ZNF471: variants seen among roughly 807,000 people sequenced by gnomAD.
ZNF471 encodes EZFIT-related protein 1.
ZNF471 carries 7 observed loss-of-function variants against 13.7 expected under a neutral mutation model. The ratio of observed to expected loss-of-function variants is 0.51; its 90% CI spans 0.29 to 0.96. The LOEUF is 0.96. Among genes scored for constraint, ZNF471 ranks in the 40% least tolerant of loss-of-function variants. The pLI is 0.08. For synonymous variants in ZNF471, 218 were observed against 235.6 expected (o/e 0.93, Z 0.68); for missense variants, 663 against 743.3 (o/e 0.89, Z 1.26).
rs2043755303 is a variant in ZNF471, at chr19:56,508,022, C to T, written c.-56+102C>T. The T allele has an allele frequency of 1.0e-6, 1 of 985,810 alleles. No individual in the cohort carries two copies. The highest frequency in any genetic ancestry group is 1.2e-6 in the Non-Finnish European group (1 of 830,210). The allele number at this position is 985,810 out of a possible 1,614,324, so 61.1% of individuals were successfully genotyped here. On this transcript the variant is annotated intron_variant, in intron 1 of 4. Transcript: ENST00000308031. The surrounding 1 kb of genome is among the most constrained non-coding windows in gnomAD (Gnocchi z 4.7). The stretch of plus-strand genomic sequence containing the variant: ...CGGGTCGCGAAGGCCCAGCCGCGTC[C>T]TCTGTCCCCAGGACGACTACATTTC...
rs1189765460 is a variant in ZNF471, at chr19:56,529,684, TAGA to T, written c.*3742_*3744del. The T allele has an allele frequency of 7.2e-5, 11 of 152,196 alleles. No homozygotes were observed. The highest frequency in any genetic ancestry group is 1.7e-4 in the African/African-American group (7 of 41,468). 9.4% of individuals were successfully genotyped at this position (152,196 alleles called of 1,614,324 possible). A position where few individuals can be genotyped will look rare whatever the true frequency, so the allele number is the denominator to read the frequency against. On this transcript the variant is annotated 3_prime_UTR_variant, in exon 5 of 5. Coordinates refer to ENST00000308031, the MANE Select transcript of ZNF471 (RefSeq NM_020813.4). ...GGATGAAGAAATTAAAATGGTTAAA[TAGA>T]AGAAGTTCTCAACCTCACTAATGAT...
At chr19:56,520,814 A>C (rs1223635190) in intron 4 of ZNF471, among the ~76,000 whole-genome samples, 1 of 152,194 alleles carries the variant, frequency 6.6e-6, no homozygotes, top group East Asian at 1.9e-4. Context: ...TGGCCGGCTA[A>C]TTTTTTATAA....
rs915697254 is a variant in ZNF471 at position 56,511,682 on chromosome 19, A to C, written c.33+78A>C. 6 of 1,245,778 alleles carry C rather than the reference A, an allele frequency of 4.8e-6. 1 individual carries two copies. Among genetic ancestry groups the C allele is most frequent in the Admixed American group, 1.7e-5 (1 of 58,454 alleles). 77.2% of individuals were successfully genotyped at this position (1,245,778 alleles called of 1,614,324 possible). The stretch of plus-strand genomic sequence containing the variant: ...TTTTTGTAATGCTTCTTTTCTTTTG[A>C]AAATTCCCTGATTAACAGTCCAGGA... On this transcript the variant is annotated intron_variant, in intron 2 of 4. Transcript: ENST00000308031.
Position 56,526,236 on chromosome 19 carries a change from C to T in ZNF471, c.*288C>T, listed in dbSNP as rs8109083. 70,564 of 311,586 alleles carry T rather than the reference C, an allele frequency of 0.23. 8,673 individuals carry two copies. Among genetic ancestry groups the T allele is most frequent in the Non-Finnish European group, 0.25 (42,650 of 170,600 alleles). The allele number at this position is 311,586 out of a possible 1,614,324, so 19.3% of individuals were successfully genotyped here. A position where few individuals can be genotyped will look rare whatever the true frequency, so the allele number is the denominator to read the frequency against. ...GAGGGTGAGCTGAAGCAGGGTGGGG[C>T]GTAACCTCACCTGGGAAGTGCAAGG... On this transcript the variant is annotated 3_prime_UTR_variant, in exon 5 of 5. Transcript: ENST00000308031.
chr19:56,512,582 C>T (rs2043826371), intron 2 of ZNF471, among the ~76,000 whole-genome samples: 1 of 151,830 alleles, frequency 6.6e-6, no homozygotes, highest in South Asian at 2.1e-4. Flanking sequence ...TCATCTCATT[C>T]TCACTAATTT....
rs1481683571 is a variant in ZNF471, at chr19:56,516,011, A to G, written c.34-264A>G. The stretch of plus-strand genomic sequence containing the variant: ...TTCCTTTTATGCTTTTGAAGATTCA[A>G]CACAGGTGTGTGTTCTCCCTTGAAG... On this transcript the variant is annotated intron_variant, in intron 2 of 4. Transcript: ENST00000308031. This position sits in a 1 kb window ranked among gnomAD's most constrained non-coding sequence, Gnocchi z 4.4. 6.6e-6 allele frequency among the ~76,000 whole-genome samples: 1 copy of G among 152,196 alleles called. No individual in the cohort carries two copies. The highest frequency in any genetic ancestry group is 1.9e-4 in the East Asian group (1 of 5,200).
Position 56,524,139 on chromosome 19 carries a change from C to T in ZNF471, c.257-185C>T, listed in dbSNP as rs997349852. The stretch of plus-strand genomic sequence containing the variant: ...CTAGCCCATTTCGCTTTCTTAGTCA[C>T]CTCTCCCATGTTCCTTCATGAGCTG... On this transcript the variant is annotated intron_variant, in intron 4 of 4. Coordinates refer to ENST00000308031, the MANE Select transcript of ZNF471 (RefSeq NM_020813.4). This position sits in a 1 kb window ranked among gnomAD's most constrained non-coding sequence, Gnocchi z 4.8. Among the ~76,000 whole-genome samples, 2 of 152,144 alleles carry T rather than the reference C, an allele frequency of 1.3e-5. No individual in the cohort carries two copies. The highest frequency in any genetic ancestry group is 4.8e-5 in the African/African-American group (2 of 41,438).
intron 4 of ZNF471, among the ~76,000 whole-genome samples, chr19:56,523,090 G>A (rs1288354895): frequency 6.6e-6 from 1 of 152,158 alleles, no homozygotes. Context: ...TTATATTCTA[G>A]GTCAGGAGTT....
At chr19:56,521,100 A>T (rs988877212) in intron 4 of ZNF471, among the ~76,000 whole-genome samples, 33 of 152,138 alleles carry the variant, frequency 2.2e-4, no homozygotes, top group African/African-American at 7.0e-4. Flanking sequence ...ACTGCCAGTG[A>T]ACAGTATGGG....
At chr19:56,521,796 A>C (rs936164120) in intron 4 of ZNF471, among the ~76,000 whole-genome samples, 5 of 151,980 alleles carry the variant, frequency 3.3e-5, no homozygotes, top group Non-Finnish European at 7.4e-5. Context: ...AAAATAAAAA[A>C]TTAGCTGGGC....
At chr19:56,513,029 A>C (rs2043832020) in intron 2 of ZNF471, among the ~76,000 whole-genome samples, 1 of 152,130 alleles carries the variant, frequency 6.6e-6, no homozygotes, top group Non-Finnish European at 1.5e-5. Flanking sequence ...AAAGATACAG[A>C]CCTTTTAGTT....
In ZNF471 at chr19:56,526,029, A is replaced by C. The variant is rs1166526369; in HGVS notation, c.*81A>C. 1.4e-6 allele frequency: 2 copies of C among 1,390,294 alleles called. No homozygotes were observed. The highest frequency in any genetic ancestry group is 1.9e-6 in the Non-Finnish European group (2 of 1,035,478). 86.1% of individuals were successfully genotyped at this position (1,390,294 alleles called of 1,614,324 possible). A position where few individuals can be genotyped will look rare whatever the true frequency, so the allele number is the denominator to read the frequency against. ...AGAGATGTCCCACTGGATAAAAAACATATAAATGTAAGAAATGTAGAAAAA... is the reference window on the plus strand; with the variant it reads ...AGAGATGTCCCACTGGATAAAAAACCTATAAATGTAAGAAATGTAGAAAAA... On this transcript the variant is annotated 3_prime_UTR_variant, in exon 5 of 5. Coordinates refer to ENST00000308031, the MANE Select transcript of ZNF471 (RefSeq NM_020813.4).
rs1322879106 is a variant in ZNF471 at position 56,525,282 on chromosome 19, T to C, written c.1215T>C (p.Cys405=). The C allele has an allele frequency of 6.2e-7, 1 of 1,611,714 alleles. No homozygotes were observed. The highest frequency in any genetic ancestry group is 8.5e-7 in the Non-Finnish European group (1 of 1,178,482). ...RIHTGEKPYK[C]GVCGKTFSSG... ...ATACAGGAGAGAAACCTTACAAATG[T>C]GGTGTGTGTGGAAAAACCTTCAGCT... The change falls in exon 5 of 5, where the codon TGT becomes TGC. Residue 405 remains cysteine (C), a synonymous_variant. Coordinates refer to ENST00000308031, the MANE Select transcript of ZNF471 (RefSeq NM_020813.4).
Position 56,515,496 on chromosome 19 carries a change from T to C in ZNF471, c.34-779T>C, listed in dbSNP as rs576722791. ...TCTAAAGTCCCGTACATTGAATATCTGTTTAAAATGTGCTTTTAAACACTA... is the reference window on the plus strand; with the variant it reads ...TCTAAAGTCCCGTACATTGAATATCCGTTTAAAATGTGCTTTTAAACACTA... On this transcript the variant is annotated intron_variant, in intron 2 of 4. Coordinates refer to ENST00000308031, the MANE Select transcript of ZNF471 (RefSeq NM_020813.4). Among the ~76,000 whole-genome samples, 96 of 152,354 alleles carry C rather than the reference T, an allele frequency of 6.3e-4. 1 individual carries two copies. In the South Asian group the frequency reaches 6.4e-3, roughly 10 times the overall value.
rs1271606195 is a variant in ZNF471 at position 56,525,294 on chromosome 19, A to G, written c.1227A>G (p.Gly409=). The change falls in exon 5 of 5, where the codon GGA becomes GGG. Residue 409 remains glycine, a synonymous_variant. Transcript: ENST00000308031. The part of the protein sequence containing the change: ...GEKPYKCGVC[G]KTFSSGSSRT... ...AACCTTACAAATGTGGTGTGTGTGGAAAAACCTTCAGCTCGGGTTCATCCC... is the reference window on the plus strand; with the variant it reads ...AACCTTACAAATGTGGTGTGTGTGGGAAAACCTTCAGCTCGGGTTCATCCC... The G allele has an allele frequency of 6.2e-7, 1 of 1,611,680 alleles. No individual in the cohort carries two copies. The highest frequency in any genetic ancestry group is 1.1e-5 in the South Asian group (1 of 90,834).
chr19:56,507,950 C>T (rs913077124), intron 1 of ZNF471, 30 bp downstream of exon 1: 21 of 985,846 alleles, frequency 2.1e-5, no homozygotes, highest in Non-Finnish European at 2.4e-5. Context: ...GGAGTCCGAG[C>T]TCGAGGGCTG....
At chr19:56,509,429 G>A (rs2043778987) in intron 1 of ZNF471, among the ~76,000 whole-genome samples, 1 of 152,168 alleles carries the variant, frequency 6.6e-6, no homozygotes, top group African/African-American at 2.4e-5. Context: ...GTTTCCCTAA[G>A]TTCTGTGAGC....
chr19:56,524,694 T>C lies in ZNF471; in HGVS notation c.627T>C (p.Asn209=). 6 of 1,580,034 alleles carry C rather than the reference T, an allele frequency of 3.8e-6. No homozygotes were observed. Among genetic ancestry groups the C allele is most frequent in the Non-Finnish European group, 5.1e-6 (6 of 1,170,108 alleles). The change falls in exon 5 of 5, where the codon AAT becomes AAC. Residue 209 remains asparagine, a synonymous_variant. Transcript: ENST00000308031. The surrounding 1 kb of genome is among the most constrained non-coding windows in gnomAD (Gnocchi z 4.8). ...VYVGKKLFKC[N]ECDKTFTHSS... Reference sequence around the variant, plus strand: ...TAGGAAAGAAGCTTTTTAAATGTAATGAATGTGACAAAACCTTCACCCATA... The same window carrying C: ...TAGGAAAGAAGCTTTTTAAATGTAACGAATGTGACAAAACCTTCACCCATA...
chr19:56,521,638 C>CA (rs372849279), intron 4 of ZNF471, among the ~76,000 whole-genome samples: 40,292 of 81,388 alleles, frequency 0.5, 8,817 homozygotes, highest in East Asian at 0.59. Context: ...GACTCTGTCT[C>CA]AAAAAAAAAA....
Sources: allele counts gnomAD v4.1 joint callset (sites outside exome capture counted in the v4.1 genomes callset), GRCh38; gene constraint gnomAD v4.1.1; non-coding constraint Gnocchi (gnomAD v3.1); transcripts MANE v1.5; gene names NCBI Gene and HGNC (gene_info 2026-07-23, HGNC 2026-07-21).